The following DISP1 variants were observed in gnomAD, a reference collection of about 807,000 sequenced individuals.
DISP1 encodes protein dispatched homolog 1.
In DISP1, 30 loss-of-function variants were observed where a neutral mutation model predicts 37.3. That is an observed-to-expected ratio of 0.80 (90% CI 0.60 to 1.09). The LOEUF (loss-of-function observed/expected upper bound fraction) is 1.09, where lower values mean the gene tolerates loss of function less well. Among genes scored for constraint, DISP1 ranks in the 50% least tolerant of loss-of-function variants. The probability of loss-of-function intolerance (pLI) is 0.00; values close to 1 mark genes in which losing one functional copy is unlikely to be tolerated. For missense variants in DISP1, 1,598 were observed against 1,879.5 expected, an observed-to-expected ratio of 0.85 and a Z score of 2.77; for synonymous variants, 634 against 690.2, an observed-to-expected ratio of 0.92 and a Z score of 1.28.
At chr1:222,873,866 C>G (rs1385971600) in intron 1 of DISP1, among the ~76,000 whole-genome samples, 4 of 151,280 alleles carry the variant, frequency 2.6e-5, no homozygotes, top group Admixed American at 6.6e-5. Flanking sequence ...TTCTTCCTAG[C>G]CTTGATGGTC....
At chr1:222,996,047 G>T (rs1572727145) in intron 8 of DISP1, among the ~76,000 whole-genome samples, 1 of 152,134 alleles carries the variant, frequency 6.6e-6, no homozygotes, top group African/African-American at 2.4e-5. Context: ...GAGGCTGTTT[G>T]TACATTTTGA....
At chr1:222,828,756 T>A (rs1665033601) in intron 1 of DISP1, among the ~76,000 whole-genome samples, 1 of 152,176 alleles carries the variant, frequency 6.6e-6, no homozygotes, top group Non-Finnish European at 1.5e-5. Flanking sequence ...AACTCACCTC[T>A]CTAGACTTGT....
intron 1 of DISP1, among the ~76,000 whole-genome samples, chr1:222,888,359 A>T (rs1256492326): frequency 6.6e-6 from 1 of 152,218 alleles, no homozygotes; most frequent in Non-Finnish European, 1.5e-5. Flanking sequence ...CACACATTAT[A>T]TACATTGAAC....
intron 1 of DISP1, among the ~76,000 whole-genome samples, chr1:222,911,310 A>G (rs1286878133): frequency 2.0e-5 from 3 of 152,204 alleles, no homozygotes; most frequent in African/African-American, 7.2e-5. Context: ...TCTGTAAACC[A>G]GAGCCTGCTT....
At chr1:222,818,733 C>T (rs941170811) in intron 1 of DISP1, among the ~76,000 whole-genome samples, 7 of 152,204 alleles carry the variant, frequency 4.6e-5, no homozygotes, top group African/African-American at 1.7e-4. Context: ...ACCAACATTA[C>T]GGAAGGTAAT....
intron 1 of DISP1, among the ~76,000 whole-genome samples, chr1:222,862,443 GTAATTTAACATTGATA>G (rs1311449765): frequency 4.0e-5 from 6 of 150,840 alleles, no homozygotes; most frequent in African/African-American, 1.2e-4. Context: ...CGAAAATCTA[GTAATTTAACATTGATA>G]TAATTTAACA....
intron 2 of DISP1, among the ~76,000 whole-genome samples, chr1:222,935,981 T>G (rs1482159297): frequency 6.6e-6 from 1 of 152,202 alleles, no homozygotes; most frequent in Non-Finnish European, 1.5e-5. Context: ...GTTGGTCCCA[T>G]AAGATTATAA....
At chr1:222,971,235 A>G (rs1449815643) in intron 3 of DISP1, among the ~76,000 whole-genome samples, 2 of 152,090 alleles carry the variant, frequency 1.3e-5, no homozygotes, top group Admixed American at 6.6e-5. Context: ...ATTTCACTGT[A>G]TATTTTTGTC....
chr1:222,935,330 G>C (rs1673654307), intron 2 of DISP1, among the ~76,000 whole-genome samples: 1 of 152,090 alleles, frequency 6.6e-6, no homozygotes, highest in Non-Finnish European at 1.5e-5. Context: ...TCTTAAGTTT[G>C]GTATTAGGAA....
At chr1:222,858,336 G>A (rs991378674) in intron 1 of DISP1, among the ~76,000 whole-genome samples, 2 of 152,056 alleles carry the variant, frequency 1.3e-5, no homozygotes, top group East Asian at 1.9e-4. Flanking sequence ...AACTCAAGAT[G>A]TATCAAAGAC....
intron 7 of DISP1, among the ~76,000 whole-genome samples, chr1:222,993,054 G>C (rs976600566): frequency 6.6e-6 from 1 of 151,770 alleles, no homozygotes; most frequent in Non-Finnish European, 1.5e-5. Flanking sequence ...TAGAGACGGG[G>C]TTTCTCCATC....
At chr1:222,994,852 CTT>C (rs1558076207) in intron 7 of DISP1, 31 bp from the exon 8 acceptor site, 3 of 1,481,878 alleles carry the variant, frequency 2.0e-6, no homozygotes, top group African/African-American at 2.8e-5. Context: ...ATTTATAAAC[CTT>C]TTTCTTTCCT....
At chr1:222,881,524 T>G (rs1670280222) in intron 1 of DISP1, among the ~76,000 whole-genome samples, 1 of 152,192 alleles carries the variant, frequency 6.6e-6, no homozygotes, top group South Asian at 2.1e-4. Flanking sequence ...AGCGCTTTAG[T>G]TGCTGACATT....
chr1:222,957,259 C>A (rs1166754964), intron 3 of DISP1, among the ~76,000 whole-genome samples: 1 of 151,718 alleles, frequency 6.6e-6, no homozygotes, highest in South Asian at 2.1e-4. Flanking sequence ...CTTTTCTTCT[C>A]CCCCTGATAA....
At chr1:222,850,292 CTT>C (rs1475336864) in intron 1 of DISP1, among the ~76,000 whole-genome samples, 2 of 151,972 alleles carry the variant, frequency 1.3e-5, no homozygotes, top group African/African-American at 4.8e-5. Context: ...TTGCCTTTCT[CTT>C]TAGTTTTGTA....
At chr1:222,945,744 CTG>C (rs1674720923) in intron 3 of DISP1, 1 of 152,138 alleles carries the variant, frequency 6.6e-6, no homozygotes, top group Admixed American at 6.5e-5. Context: ...TGACTTGAGA[CTG>C]TGTATGAGCA....
intron 2 of DISP1, among the ~76,000 whole-genome samples, chr1:222,935,113 ATGT>A (rs1462506260): frequency 1.3e-5 from 2 of 152,158 alleles, no homozygotes; most frequent in Non-Finnish European, 2.9e-5. Context: ...CAGTATGGAC[ATGT>A]TGTTGGAGGC....
At chr1:222,937,008 ATAT>A (rs1303489820) in intron 2 of DISP1, among the ~76,000 whole-genome samples, 12 of 99,594 alleles carry the variant, frequency 1.2e-4, no homozygotes, top group African/African-American at 3.8e-4. Context: ...ATAATATAGA[ATAT>A]TATATATTAT....
At chr1:222,937,089 G>T (rs1572557181) in intron 2 of DISP1, among the ~76,000 whole-genome samples, 2 of 130,122 alleles carry the variant, frequency 1.5e-5, no homozygotes, top group Admixed American at 9.5e-5. Context: ...ATATATTACA[G>T]TTTATATATA....
Sources: gnomAD v4.1 joint callset for allele counts (sites outside exome capture counted in the v4.1 genomes callset) on GRCh38, gnomAD v4.1.1 for gene constraint, MANE v1.5 for transcripts, NCBI Gene and HGNC (gene_info 2026-07-23, HGNC 2026-07-21) for gene names.